The following THBS4 variants were observed in gnomAD, a reference collection of about 807,000 sequenced individuals.
The protein encoded by THBS4 is thrombospondin 4, also known as thrombospondin-4.
A neutral mutation model predicts 115.7 loss-of-function variants in THBS4; 90 were observed. The observed-to-expected ratio is 0.78, with a 90% confidence interval of 0.66 to 0.93. THBS4 has a LOEUF of 0.93. Among genes scored for constraint, THBS4 ranks in the 40% least tolerant of loss-of-function variants. THBS4 has a pLI of 0.00. For synonymous variants in THBS4, 460 were observed against 479.3 expected, an observed-to-expected ratio of 0.96 and a Z score of 0.53; for missense variants, 1,087 against 1,232.7, an observed-to-expected ratio of 0.88 and a Z score of 1.77.
intron 1 of THBS4, among the ~76,000 whole-genome samples, chr5:79,996,896 A>G (rs1831804125): frequency 6.6e-6 from 1 of 152,182 alleles, no homozygotes; most frequent in African/African-American, 2.4e-5. Context: ...CCTTATTTCT[A>G]TACTTCACTC....
In THBS4 at chr5:80,075,021, A is replaced by G. The variant is rs542395178; in HGVS notation, c.1892+1694A>G. 3.9e-5 allele frequency among the ~76,000 whole-genome samples: 6 copies of G among 152,296 alleles called. No individual in the cohort carries two copies. In the South Asian group the frequency reaches 6.2e-4, roughly 16 times the overall value. Reference sequence around the variant, plus strand: ...ATACTCAAGTCCCTTATATAAAATGATGTAATATCTGCATATAACCTATAC... The same window carrying G: ...ATACTCAAGTCCCTTATATAAAATGGTGTAATATCTGCATATAACCTATAC... On this transcript the variant is annotated intron_variant, in intron 15 of 21. Coordinates refer to ENST00000350881, the MANE Select transcript of THBS4 (RefSeq NM_003248.6).
At chr5:80,007,041 C>T (rs1283592147) in intron 2 of THBS4, among the ~76,000 whole-genome samples, 2 of 152,152 alleles carry the variant, frequency 1.3e-5, no homozygotes, top group Admixed American at 1.3e-4. Context: ...CCTTGTGGAG[C>T]TTACACTCAA....
Position 80,073,286 on chromosome 5 carries a change from T to C in THBS4, c.1851T>C (p.Asp617=). Residue 617 remains aspartate, a synonymous_variant, in exon 15 of 22, where the codon GAT becomes GAC. Transcript: ENST00000350881. ...TGTTCTCTTTGCAGTCTGATGTGGA[T>C]AATGATCTGGTTGGGGACTCCTGTG... The part of the protein sequence containing the change: ...DVSNPNQSDV[D]NDLVGDSCDT... 6.2e-7 allele frequency: 1 copy of C among 1,614,088 alleles called. No individual in the cohort carries two copies. Among genetic ancestry groups the C allele is most frequent in the Non-Finnish European group, 8.5e-7 (1 of 1,179,998 alleles).
At chr5:80,067,273 C>T (rs2112123502) in intron 9 of THBS4, 1 of 152,166 alleles carries the variant, frequency 6.6e-6, no homozygotes, top group Admixed American at 6.5e-5. Flanking sequence ...CATCATCACA[C>T]TGCACACTTT....
intron 2 of THBS4, among the ~76,000 whole-genome samples, chr5:80,051,324 C>T (rs900601837): frequency 2.7e-4 from 29 of 105,730 alleles, no homozygotes; most frequent in Non-Finnish European, 4.7e-4. Context: ...AGTCTAACTG[C>T]TCTGATAATA....
intron 7 of THBS4, among the ~76,000 whole-genome samples, chr5:80,060,113 T>C (rs554464553): frequency 2.0e-4 from 31 of 152,356 alleles, no homozygotes; most frequent in African/African-American, 6.7e-4. Context: ...TTTTCCTCTG[T>C]GTTTCCAACT....
At position 80,035,637 on chromosome 5, in the gene THBS4, C is replaced by T. The variant is rs1832694584; in HGVS notation, c.88+12C>T. 3 of 1,337,016 alleles carry T rather than the reference C, an allele frequency of 2.2e-6. No individual in the cohort carries two copies. Among genetic ancestry groups the T allele is most frequent in the South Asian group, 1.9e-5 (1 of 53,074 alleles). 82.8% of individuals were successfully genotyped at this position (1,337,016 alleles called of 1,614,324 possible). On this transcript the variant is annotated intron_variant, in intron 1 of 21. Transcript: ENST00000350881. This position sits in a 1 kb window ranked among gnomAD's most constrained non-coding sequence, Gnocchi z 4.6. ...GGCCACCCCCCAGGGTAAGTGGGTT[C>T]GGGTCGGGCCTGGGAGCGCCGGGCA...
chr5:80,001,357 T>C (rs933617327), intron 2 of THBS4, among the ~76,000 whole-genome samples: 4 of 152,220 alleles, frequency 2.6e-5, no homozygotes, highest in African/African-American at 7.2e-5. Flanking sequence ...AGTATTATAC[T>C]CGTTTTGCAG....
chr5:79,994,840 T>C (rs1379705076), intron 1 of THBS4, among the ~76,000 whole-genome samples: 1 of 152,204 alleles, frequency 6.6e-6, no homozygotes, highest in East Asian at 1.9e-4. Flanking sequence ...TAGAGACTAT[T>C]AGGAAGTACC....
At chr5:80,034,226 A>G (rs559595524), upstream of THBS4, among the ~76,000 whole-genome samples, 57 of 152,302 alleles carry the variant, frequency 3.7e-4, no homozygotes, top group Middle Eastern at 3.4e-3. Flanking sequence ...CCTGTATTGG[A>G]CCTTACATAT....
At chr5:80,053,379 C>T (rs1833313544) in intron 2 of THBS4, among the ~76,000 whole-genome samples, 1 of 149,866 alleles carries the variant, frequency 6.7e-6, no homozygotes, top group African/African-American at 2.5e-5. Flanking sequence ...CTGAAATGAA[C>T]ATTCTCACCC....
chr5:80,071,084 GC>G lies in THBS4; in HGVS notation c.1626del (p.Cys543ValfsTer5). 1 of 1,613,040 alleles carries G rather than the reference GC, an allele frequency of 6.2e-7. No individual in the cohort carries two copies. The highest frequency in any genetic ancestry group is 1.1e-5 in the South Asian group (1 of 90,670). On this transcript the variant is annotated frameshift_variant, in exon 13 of 22. Transcript: ENST00000350881. LOFTEE classifies it high-confidence loss of function. The part of the protein sequence containing the change: ...RNSDKDIFGD[A>X]CDNCLSVLNN... The stretch of plus-strand genomic sequence containing the variant: ...CAGCGATAAAGATATCTTTGGGGAT[GC>G]CTGTGATAACTGCCTGAGTGTCTTA...
intron 8 of THBS4, among the ~76,000 whole-genome samples, chr5:80,063,897 C>G (rs917050780): frequency 6.6e-6 from 1 of 152,186 alleles, no homozygotes; most frequent in African/African-American, 2.4e-5. Context: ...AAAGAGAAAA[C>G]TCAAAGCCAG....
chr5:80,057,731 G>A (rs2249794), intron 3 of THBS4, among the ~76,000 whole-genome samples: 82,595 of 152,060 alleles, frequency 0.54, 22,771 homozygotes, highest in African/African-American at 0.63. Context: ...AAAATATGAT[G>A]CCAACTACCT....
At chr5:80,060,090 C>T (rs1167362399) in intron 7 of THBS4, among the ~76,000 whole-genome samples, 185 bp downstream of exon 7, 1 of 152,178 alleles carries the variant, frequency 6.6e-6, no homozygotes, top group Admixed American at 6.5e-5. Context: ...AAGGTTATGG[C>T]TGCGTTTGTC....
At chr5:80,028,330 A>G (rs557656777) in intron 2 of THBS4, among the ~76,000 whole-genome samples, 2 of 152,284 alleles carry the variant, frequency 1.3e-5, no homozygotes, top group Admixed American at 1.3e-4. Flanking sequence ...TGCTTTCAAC[A>G]GAGTCACCAG....
chr5:80,072,627 G>C (rs1834110237), intron 14 of THBS4: 1 of 520,498 alleles, frequency 1.9e-6, no homozygotes, highest in Non-Finnish European at 3.5e-6. Context: ...TGTGAGGTTA[G>C]TAACACGAAC....
At chr5:80,031,692 G>A (rs1393457497), upstream of THBS4, among the ~76,000 whole-genome samples, 10 of 152,246 alleles carry the variant, frequency 6.6e-5, no homozygotes. Context: ...AGGCAAAGGT[G>A]CAGGAGTAAA....
chr5:80,002,939 A>C (rs1035604470), intron 2 of THBS4, among the ~76,000 whole-genome samples: 1 of 151,912 alleles, frequency 6.6e-6, no homozygotes, highest in Non-Finnish European at 1.5e-5. Flanking sequence ...AAAAAAAACA[A>C]AAACATGTTG....
Sources: allele counts gnomAD v4.1 joint callset (sites outside exome capture counted in the v4.1 genomes callset), GRCh38; gene constraint gnomAD v4.1.1; non-coding constraint Gnocchi (gnomAD v3.1); transcripts MANE v1.5; gene names NCBI Gene and HGNC (gene_info 2026-07-23, HGNC 2026-07-21).